Variants in TRPM7 observed in about 807,000 individuals in gnomAD.
TRPM7 encodes the protein LTRPC ion channel family member 7.
A neutral mutation model predicts 229.7 loss-of-function variants in TRPM7; 134 were observed. The observed-to-expected ratio is 0.58, with a 90% CI of 0.51 to 0.67. TRPM7 has a LOEUF of 0.67. Among genes scored for constraint, TRPM7 ranks in the 30% least tolerant of loss-of-function variants. TRPM7 has a pLI of 0.00. For missense variants in TRPM7, 1,901 were observed against 2,210.0 expected (o/e 0.86, Z 2.80); for synonymous variants, 699 against 715.2 (o/e 0.98, Z 0.36).
chr15:50,607,222 T>A lies in TRPM7; in HGVS notation c.2687A>T (p.Tyr896Phe). 1 of 1,610,366 alleles carries A rather than the reference T, an allele frequency of 6.2e-7. No individual in the cohort carries two copies. Residue 896 changes from tyrosine to phenylalanine, a missense_variant, in exon 20 of 39, where the codon TAT becomes TTT. Physicochemically the swap from Tyr to Phe is conservative, Grantham distance 22. Around this residue, in one of 8 missense-constraint regions of TRPM7, gnomAD observed 207 missense variants for 241.5 expected, o/e 0.86. Transcript: ENST00000646667. ...EWIVIAYIFT[Y>F]AIEKVREIFM... is the part of the protein sequence containing the mutation. ...TACCTCACGGACTTTCTCAATGGCA[T>A]AAGTAAAAATATAAGCAATAACAAT...
chr15:50,568,325 A>C (rs1282295851), intron 38 of TRPM7, among the ~76,000 whole-genome samples: 6 of 152,160 alleles, frequency 3.9e-5, no homozygotes, highest in Admixed American at 3.3e-4. Context: ...GTCAAGAAAA[A>C]AAAAAAGATA....
Position 50,673,727 on chromosome 15 carries a change from T to C in TRPM7, c.4-10681A>G, listed in dbSNP as rs540540303. ...ACATTTTTGCAATTATGAATTACGC[T>C]GCTATAAACATGCGTACGCAAGTAT... On this transcript the variant is annotated intron_variant, in intron 1 of 38. Transcript: ENST00000646667. 3.9e-5 allele frequency among the ~76,000 whole-genome samples: 6 copies of C among 152,312 alleles called. No homozygotes were observed. The East Asian group carries it at 5.8e-4, about 15-fold the overall frequency.
At chr15:50,624,069 A>C in intron 12 of TRPM7, 97 bp downstream of exon 12, 2 of 1,248,876 alleles carry the variant, frequency 1.6e-6, no homozygotes, top group Non-Finnish European at 2.2e-6. Flanking sequence ...TAAGGAAGAC[A>C]TTAAGGGTTT....
chr15:50,676,283 A>T (rs1456501506), intron 1 of TRPM7, among the ~76,000 whole-genome samples: 1 of 152,220 alleles, frequency 6.6e-6, no homozygotes, highest in Non-Finnish European at 1.5e-5. Context: ...TCTGCTGTTA[A>T]GGTAACATGT....
intron 11 of TRPM7, 109 bp downstream of exon 11, chr15:50,628,040 G>T: frequency 1.3e-6 from 1 of 753,408 alleles, no homozygotes; most frequent in Non-Finnish European, 2.2e-6. Context: ...AACTATTTTT[G>T]AACTATTGGC....
At chr15:50,607,645 C>T (rs2059952606) in intron 19 of TRPM7, among the ~76,000 whole-genome samples, 2 of 152,058 alleles carry the variant, frequency 1.3e-5, no homozygotes, top group South Asian at 4.1e-4. Context: ...TAACTCATAC[C>T]TACAGTATCA....
intron 16 of TRPM7, 141 bp downstream of exon 16, chr15:50,612,408 T>TTA (rs1229380571): frequency 3.6e-6 from 2 of 560,138 alleles, no homozygotes; most frequent in African/African-American, 3.9e-5. Flanking sequence ...AAATATATAC[T>TTA]TATATAATTT....
At chr15:50,618,209 T>C (rs1353132468) in intron 13 of TRPM7, among the ~76,000 whole-genome samples, 1 of 152,070 alleles carries the variant, frequency 6.6e-6, no homozygotes, top group East Asian at 1.9e-4. Flanking sequence ...AGTACATCAA[T>C]TTAGTGGCCA....
At position 50,612,780 on chromosome 15, in the gene TRPM7, A is replaced by C. The variant is rs202123320; in HGVS notation, c.1820T>G (p.Ile607Ser). 16 of 1,613,992 alleles carry C rather than the reference A, an allele frequency of 9.9e-6. No individual in the cohort carries two copies. The highest frequency in any genetic ancestry group is 1.4e-5 in the Non-Finnish European group (16 of 1,179,976). ...GGTTTCTGGATCATCAATGTCTACA[A>C]TTTCATCTTTGGTTCTTTTCTTCTT... ...EGKKKRTKDE[I>S]VDIDDPETKR... The change falls in exon 16 of 39, where the codon ATT (isoleucine) becomes AGT (serine). Residue 607 changes from isoleucine (I) to serine (S), a missense_variant. This residue lies in a region of TRPM7 where 794 missense variants were observed against 881.9 expected (regional missense o/e 0.90). Coordinates refer to ENST00000646667, the MANE Select transcript of TRPM7 (RefSeq NM_017672.6).
At chr15:50,673,079 TA>T (rs912888231) in intron 1 of TRPM7, among the ~76,000 whole-genome samples, 2 of 145,606 alleles carry the variant, frequency 1.4e-5, no homozygotes, top group Non-Finnish European at 1.5e-5. Context: ...TATTATTGAA[TA>T]AAAAAATACT....
intron 1 of TRPM7, among the ~76,000 whole-genome samples, chr15:50,680,458 A>T (rs1389451062): frequency 2.6e-5 from 4 of 151,816 alleles, no homozygotes; most frequent in African/African-American, 9.7e-5. Context: ...AACCTCAGCT[A>T]CTTGGGAAGC....
At chr15:50,630,270 T>A (rs1596252318) in intron 10 of TRPM7, among the ~76,000 whole-genome samples, 1 of 152,122 alleles carries the variant, frequency 6.6e-6, no homozygotes, top group African/African-American at 2.4e-5. Context: ...ATGATATAAA[T>A]ATATTTTATC....
At chr15:50,662,007 C>T (rs1245397295) in intron 2 of TRPM7, among the ~76,000 whole-genome samples, 1 of 151,840 alleles carries the variant, frequency 6.6e-6, no homozygotes, top group Admixed American at 6.6e-5. Flanking sequence ...GACCTCAGGT[C>T]AGGGGTTCAA....
chr15:50,575,157 T>C (rs759729564), intron 33 of TRPM7, 22 bp from the exon 34 acceptor site: 3 of 1,536,556 alleles, frequency 2.0e-6, no homozygotes, highest in South Asian at 2.5e-5. Flanking sequence ...ATGGAAAAAG[T>C]TTAAGATTAA....
chr15:50,601,372 G>C (rs577084422), intron 21 of TRPM7, among the ~76,000 whole-genome samples: 29 of 152,242 alleles, frequency 1.9e-4, no homozygotes, highest in African/African-American at 6.5e-4. Flanking sequence ...TACTGGGCAC[G>C]GTGGCTCACG....
intron 13 of TRPM7, among the ~76,000 whole-genome samples, chr15:50,617,344 A>G (rs1415688511): frequency 6.6e-6 from 1 of 150,910 alleles, no homozygotes; most frequent in Non-Finnish European, 1.5e-5. Context: ...TCAAAAAAAA[A>G]AAAAACAAAT....
chr15:50,616,495 G>C (rs1319578750), intron 13 of TRPM7, among the ~76,000 whole-genome samples: 1 of 152,116 alleles, frequency 6.6e-6, no homozygotes, highest in Non-Finnish European at 1.5e-5. Context: ...GAAATGACCA[G>C]AATAAGCAAA....
intron 5 of TRPM7, among the ~76,000 whole-genome samples, chr15:50,642,858 C>T (rs927019902): frequency 1.3e-5 from 2 of 150,928 alleles, no homozygotes; most frequent in Admixed American, 1.3e-4. Context: ...TAAAGTGTTG[C>T]GTTTTTTTTT....
chr15:50,571,067 T>TAC (rs1201776629), intron 36 of TRPM7, among the ~76,000 whole-genome samples: 3 of 152,062 alleles, frequency 2.0e-5, no homozygotes, highest in African/African-American at 7.2e-5. Flanking sequence ...TATAAACACA[T>TAC]ACACACACAC....
Sources: gnomAD v4.1 joint callset for allele counts (sites outside exome capture counted in the v4.1 genomes callset) on GRCh38, gnomAD v4.1.1 for gene constraint, gnomAD v4.1.1 regional missense constraint, MANE v1.5 for transcripts, NCBI Gene and HGNC (gene_info 2026-07-23, HGNC 2026-07-21) for gene names.